FTO: variants seen among roughly 807,000 people sequenced by gnomAD.
FTO encodes the protein alpha-ketoglutarate-dependent dioxygenase FTO.
Under a neutral mutation model 63.9 loss-of-function variants are expected in FTO, and 47 were observed. That is an observed-to-expected ratio of 0.74 (90% CI 0.58 to 0.94). The LOEUF (loss-of-function observed/expected upper bound fraction) is 0.94. Ranked by LOEUF, FTO falls within the 40% of genes least tolerant of loss-of-function variation. The pLI, the probability that FTO is intolerant of heterozygous loss-of-function variation, is 0.00. For synonymous variants in FTO, 207 were observed against 224.4 expected (o/e 0.92, Z 0.69); for missense variants, 562 against 618.1 (o/e 0.91, Z 0.96).
intron 7 of FTO, among the ~76,000 whole-genome samples, chr16:53,926,920 G>T (rs1040370130): frequency 1.3e-5 from 2 of 152,186 alleles, no homozygotes; most frequent in South Asian, 2.1e-4. Context: ...ATAAACAAAG[G>T]TGCTCTGGTT....
intron 8 of FTO, among the ~76,000 whole-genome samples, chr16:53,947,181 A>G (rs951998121): frequency 2.6e-5 from 4 of 152,184 alleles, no homozygotes; most frequent in African/African-American, 9.7e-5. Context: ...TTAAGAGGGT[A>G]GGCCCAGGCT....
intron 1 of FTO, among the ~76,000 whole-genome samples, chr16:53,763,330 A>G (rs554104717): frequency 1.3e-5 from 2 of 152,346 alleles, no homozygotes; most frequent in Non-Finnish European, 2.9e-5. Context: ...TTGATGATAA[A>G]TAAAGGTTGA....
chr16:53,753,202 G>A (rs2076839056), intron 1 of FTO, among the ~76,000 whole-genome samples: 1 of 149,862 alleles, frequency 6.7e-6, no homozygotes, highest in Non-Finnish European at 1.5e-5. Flanking sequence ...GCAGTGAGCC[G>A]TGATCGCATC....
chr16:53,884,400 T>C (rs1444598614), intron 6 of FTO, among the ~76,000 whole-genome samples: 2 of 152,196 alleles, frequency 1.3e-5, no homozygotes, highest in African/African-American at 4.8e-5. Flanking sequence ...GGCTTCCTTA[T>C]AACTACTGCA....
intron 3 of FTO, among the ~76,000 whole-genome samples, chr16:53,831,112 A>G (rs578038374): frequency 1.3e-5 from 2 of 152,166 alleles, no homozygotes; most frequent in African/African-American, 2.4e-5. Context: ...TTGAATCTCT[A>G]TTTTAACATG....
At chr16:53,986,984 A>G (rs550594384) in intron 8 of FTO, among the ~76,000 whole-genome samples, 1 of 152,328 alleles carries the variant, frequency 6.6e-6, no homozygotes, top group Non-Finnish European at 1.5e-5. Context: ...AGCAATTTAA[A>G]TGAAAATGTA....
At chr16:53,713,941 G>A (rs1381649751) in intron 1 of FTO, among the ~76,000 whole-genome samples, 2 of 152,086 alleles carry the variant, frequency 1.3e-5, no homozygotes, top group African/African-American at 4.8e-5. Flanking sequence ...TTGACTATTA[G>A]ACGTACATTT....
At chr16:53,753,264 AAAAAC>A (rs1273042745) in intron 1 of FTO, among the ~76,000 whole-genome samples, 1 of 151,434 alleles carries the variant, frequency 6.6e-6, no homozygotes, top group African/African-American at 2.4e-5. Flanking sequence ...AAAAAAAAAA[AAAAAC>A]AAAACAAAAC....
At chr16:54,029,385 A>T (rs2084781065) in intron 8 of FTO, among the ~76,000 whole-genome samples, 1 of 152,176 alleles carries the variant, frequency 6.6e-6, no homozygotes, top group Admixed American at 6.5e-5. Context: ...CATGCTGAAC[A>T]TGCAGTAGCC....
intron 3 of FTO, among the ~76,000 whole-genome samples, chr16:53,829,589 A>G (rs2079092355): frequency 6.6e-6 from 1 of 152,326 alleles, no homozygotes; most frequent in Admixed American, 6.5e-5. Context: ...TTTGGTTTAA[A>G]ATTTTGGTTG....
intron 8 of FTO, among the ~76,000 whole-genome samples, chr16:54,075,504 C>T (rs959090252): frequency 1.3e-5 from 2 of 152,090 alleles, no homozygotes; most frequent in African/African-American, 4.8e-5. Context: ...CTCTAAATAA[C>T]GTTCTCTGAA....
chr16:53,885,121 A>T (rs553901355), intron 6 of FTO, among the ~76,000 whole-genome samples: 1 of 152,348 alleles, frequency 6.6e-6, no homozygotes, highest in African/African-American at 2.4e-5. Context: ...CCCCAAAGTA[A>T]TAAGGACTCA....
intron 8 of FTO, among the ~76,000 whole-genome samples, chr16:53,996,649 G>A (rs1296571597): frequency 2.6e-5 from 4 of 152,068 alleles, no homozygotes; most frequent in Admixed American, 2.0e-4. Context: ...CCTGAGACTG[G>A]GTAATTTATA....
At chr16:53,923,072 C>T (rs2082045338) in intron 7 of FTO, 1 of 152,114 alleles carries the variant, frequency 6.6e-6, no homozygotes, top group Non-Finnish European at 1.5e-5. Flanking sequence ...ATCTATTAGG[C>T]TGCTTGGAAA....
chr16:54,062,313 G>T (rs762114051), intron 8 of FTO, among the ~76,000 whole-genome samples: 2 of 152,166 alleles, frequency 1.3e-5, no homozygotes, highest in Non-Finnish European at 2.9e-5. Flanking sequence ...AGATTGACAG[G>T]CTTGGCCGTT....
rs75687872 is a variant in FTO, at chr16:53,729,526, A to T, written c.45+25297A>T. ...TCGGGGGGAAAAAAAAAGTAAAATG[A>T]CCGTGTCACTCCACTGTTCACAATT... is the stretch of plus-strand genomic sequence containing the variant. On this transcript the variant is annotated intron_variant, in intron 1 of 8. Coordinates refer to ENST00000471389, the MANE Select transcript of FTO (RefSeq NM_001080432.3). Among the ~76,000 whole-genome samples, 393 of 151,066 alleles carry T rather than the reference A, an allele frequency of 2.6e-3. 2 individuals are homozygous for T. Among genetic ancestry groups the T allele is most frequent in the African/African-American group, 8.9e-3 (367 of 41,012 alleles).
intron 7 of FTO, chr16:53,923,149 G>A (rs1031899503): frequency 1.3e-5 from 2 of 152,204 alleles, no homozygotes; most frequent in Non-Finnish European, 2.9e-5. Context: ...CTTTCAGTAA[G>A]TATGCAGAGA....
chr16:53,705,146 T>A (rs548919417), intron 1 of FTO, among the ~76,000 whole-genome samples: 159 of 152,252 alleles, frequency 1.0e-3, no homozygotes, highest in African/African-American at 3.6e-3. Flanking sequence ...CCACCTTCTC[T>A]CCCTTCCCTC....
intron 2 of FTO, among the ~76,000 whole-genome samples, chr16:53,815,101 G>C (rs1209131065): frequency 6.6e-6 from 1 of 152,070 alleles, no homozygotes; most frequent in African/African-American, 2.4e-5. Context: ...GAGAGAGAGA[G>C]AGAGAGAGGC....
Sources: gnomAD v4.1 joint callset for allele counts (sites outside exome capture counted in the v4.1 genomes callset) on GRCh38, gnomAD v4.1.1 for gene constraint, MANE v1.5 for transcripts, NCBI Gene and HGNC (gene_info 2026-07-23, HGNC 2026-07-21) for gene names.